The following STAU2 variants were observed in gnomAD, a reference collection of about 807,000 sequenced individuals.
STAU2 encodes staufen double-stranded RNA binding protein 2, also known as double-stranded RNA-binding protein Staufen homolog 2.
A neutral mutation model predicts 65.9 loss-of-function variants in STAU2; 20 were observed. The observed-to-expected ratio is 0.30, with a 90% CI of 0.21 to 0.44. STAU2 has a LOEUF of 0.44. Ranked by LOEUF, STAU2 falls within the 20% of genes least tolerant of loss-of-function variation. STAU2 has a pLI of 1.00. For missense variants in STAU2, 558 were observed against 683.9 expected (o/e 0.82, Z 2.05); for synonymous variants, 232 against 233.9 (o/e 0.99, Z 0.07).
upstream of STAU2, chr8:73,746,973 C>G: frequency 1.1e-5 from 7 of 665,366 alleles, no homozygotes; most frequent in East Asian, 1.4e-4. Flanking sequence ...CCTGCGCAGC[C>G]GCTCCCGCGC....
chr8:73,597,358 T>A (rs1391277647), intron 10 of STAU2, among the ~76,000 whole-genome samples: 1 of 151,858 alleles, frequency 6.6e-6, no homozygotes, highest in Non-Finnish European at 1.5e-5. Flanking sequence ...TACAAAATAA[T>A]AAGGATTACT....
chr8:73,746,725 T>C (rs1807316621), intron 1 of STAU2, 58 bp downstream of exon 1: 1 of 1,109,854 alleles, frequency 9.0e-7, no homozygotes, highest in East Asian at 3.2e-5. Context: ...CCCTCTGCCT[T>C]CTTCGCCGGC....
chr8:73,607,740 A>C (rs1812137217), intron 9 of STAU2, among the ~76,000 whole-genome samples: 1 of 151,014 alleles, frequency 6.6e-6, no homozygotes, highest in South Asian at 2.1e-4. Context: ...TCCGTCTCAA[A>C]AAAAAAAAAA....
Position 73,613,770 on chromosome 8 carries a change from T to A in STAU2, c.865A>T (p.Lys289Ter), listed in dbSNP as rs772293710. Reference protein sequence around the residue: ...PVVEKPKLFFKKRPKTIVKAG... With the variant: ...PVVEKPKLFF ...TTTACTATTGTTTTAGGGCGTTTTT[T>A]AAAAAATAGTTTTGGCTTTTCCACC... Residue 289 changes from lysine to a stop codon, truncating the protein, a stop_gained, in exon 9 of 15, where the codon AAA (lysine) becomes TAA (stop). Transcript: ENST00000524300. LOFTEE classifies it high-confidence loss of function. The A allele has an allele frequency of 2.5e-6, 4 of 1,612,018 alleles. No individual in the cohort carries two copies. The highest frequency in any genetic ancestry group is 1.1e-5 in the South Asian group (1 of 90,804).
chr8:73,701,251 C>G (rs994747475), intron 4 of STAU2, among the ~76,000 whole-genome samples: 3 of 152,040 alleles, frequency 2.0e-5, no homozygotes, highest in Non-Finnish European at 4.4e-5. Flanking sequence ...CAGGCAGAGG[C>G]AACCAAAGCA....
intron 13 of STAU2, among the ~76,000 whole-genome samples, chr8:73,492,736 G>GA (rs1821210484): frequency 6.6e-6 from 1 of 151,798 alleles, no homozygotes; most frequent in Non-Finnish European, 1.5e-5. Context: ...ACATCAAAAT[G>GA]AAAAATGCAC....
chr8:73,614,761 C>A (rs1473366608), intron 8 of STAU2, among the ~76,000 whole-genome samples: 1 of 151,290 alleles, frequency 6.6e-6, no homozygotes, highest in Non-Finnish European at 1.5e-5. Context: ...TAAAAAAAAT[C>A]CCAATAATTT....
chr8:73,502,980 G>A (rs886453283), intron 13 of STAU2, among the ~76,000 whole-genome samples: 4 of 151,974 alleles, frequency 2.6e-5, no homozygotes, highest in African/African-American at 9.7e-5. Context: ...AGAAACCAGT[G>A]GGAAAAACTG....
chr8:73,528,432 A>G (rs1359960333), intron 13 of STAU2, among the ~76,000 whole-genome samples: 10 of 152,124 alleles, frequency 6.6e-5, no homozygotes. Context: ...CATGTAAGAC[A>G]CTCCACATCA....
chr8:73,581,195 G>C (rs1333852110), intron 12 of STAU2, among the ~76,000 whole-genome samples: 5 of 152,068 alleles, frequency 3.3e-5, no homozygotes, highest in Non-Finnish European at 4.4e-5. Context: ...ATTGTTTAAT[G>C]ATGGAGCCTG....
chr8:73,605,307 C>CTTTT (rs760108756), intron 9 of STAU2, among the ~76,000 whole-genome samples: 9 of 124,024 alleles, frequency 7.3e-5, no homozygotes, highest in South Asian at 2.6e-4. Flanking sequence ...GGCTTTTTTC[C>CTTTT]TTTTTTTTTT....
chr8:73,628,941 C>A (rs546005792), intron 6 of STAU2, among the ~76,000 whole-genome samples: 3 of 152,322 alleles, frequency 2.0e-5, no homozygotes, highest in African/African-American at 7.2e-5. Context: ...TGTTTGCCCA[C>A]TTCACATACT....
intron 6 of STAU2, among the ~76,000 whole-genome samples, chr8:73,669,567 T>A (rs552690072): frequency 6.6e-6 from 1 of 152,120 alleles, no homozygotes; most frequent in African/African-American, 2.4e-5. Flanking sequence ...TCAAGCCACA[T>A]TGGCCTCTTG....
At chr8:73,733,062 C>G (rs1806184089) in intron 3 of STAU2, among the ~76,000 whole-genome samples, 1 of 150,552 alleles carries the variant, frequency 6.6e-6, no homozygotes. Context: ...TTAATAACAC[C>G]TGGCTCCCTC....
At position 73,591,882 on chromosome 8, in the gene STAU2, T is replaced by TAAAAA. The variant is rs34533172; in HGVS notation, c.1161+3279_1161+3283dup. Among the ~76,000 whole-genome samples, 37 of 28,470 alleles carry TAAAAA rather than the reference T, an allele frequency of 1.3e-3. 1 individual carries two copies. In the East Asian group the frequency reaches 0.021, roughly 16 times the overall value. 18.7% of individuals were successfully genotyped at this position (28,470 alleles called of 152,430 possible). On this transcript the variant is annotated intron_variant, in intron 11 of 14. Coordinates refer to ENST00000524300, the MANE Select transcript of STAU2 (RefSeq NM_001164380.2). ...ACCCATACAGCGTGTATCCCAGAGG[T>TAAAAA]AAAAAAAAAAAAAAAAAAAAAAAAA... is the stretch of plus-strand genomic sequence containing the variant.
At chr8:73,617,592 G>T in intron 6 of STAU2, 141 bp from the exon 7 acceptor site, 3 of 768,794 alleles carry the variant, frequency 3.9e-6, no homozygotes, top group Non-Finnish European at 6.1e-6. Flanking sequence ...ATACTTTTTT[G>T]ATAAAATGTG....
chr8:73,705,663 C>G (rs779907031), intron 4 of STAU2, among the ~76,000 whole-genome samples: 2 of 152,072 alleles, frequency 1.3e-5, no homozygotes, highest in Non-Finnish European at 2.9e-5. Flanking sequence ...GGTATACTAA[C>G]TTGTTTCAGA....
At chr8:73,742,389 G>C (rs1029760510) in intron 1 of STAU2, 33 of 196,130 alleles carry the variant, frequency 1.7e-4, no homozygotes, top group African/African-American at 7.3e-4. Flanking sequence ...AAATTAGCCA[G>C]GCATGGAGGC....
At chr8:73,595,877 G>A (rs958296453) in intron 10 of STAU2, among the ~76,000 whole-genome samples, 2 of 152,110 alleles carry the variant, frequency 1.3e-5, no homozygotes, top group African/African-American at 2.4e-5. Flanking sequence ...ACTTTGGGAG[G>A]CCAAGGCAGG....
Sources: allele counts gnomAD v4.1 joint callset (sites outside exome capture counted in the v4.1 genomes callset), GRCh38; gene constraint gnomAD v4.1.1; transcripts MANE v1.5; gene names NCBI Gene and HGNC (gene_info 2026-07-23, HGNC 2026-07-21).